ATP13A5: variants seen among roughly 807,000 people sequenced by gnomAD.
ATP13A5 encodes ATPase 13A5.
ATP13A5 carries 149 observed loss-of-function variants against 150.2 expected under a neutral mutation model. The observed-to-expected ratio is 0.99, with a 90% CI of 0.87 to 1.14. The LOEUF is 1.14. Among genes scored for constraint, ATP13A5 ranks in the 50% most tolerant of loss-of-function variants. The pLI is 0.00. For missense variants in ATP13A5, 1,383 were observed against 1,449.3 expected, an observed-to-expected ratio of 0.95 and a Z score of 0.74; for synonymous variants, 497 against 522.2, an observed-to-expected ratio of 0.95 and a Z score of 0.66.
chr3:193,362,297 G>T, intron 5 of ATP13A5, 84 bp downstream of exon 5: 1 of 1,171,786 alleles, frequency 8.5e-7, no homozygotes, highest in Non-Finnish European at 1.3e-6. Context: ...GAAGCATTAT[G>T]CCAACAATGC....
intron 6 of ATP13A5, among the ~76,000 whole-genome samples, chr3:193,353,899 A>C (rs1253980386): frequency 2.6e-5 from 3 of 114,748 alleles, no homozygotes; most frequent in Non-Finnish European, 5.5e-5. Context: ...CCACCATCCA[A>C]ACTAAAGAGA....
chr3:193,290,638 A>G (rs1717913600), intron 25 of ATP13A5, among the ~76,000 whole-genome samples: 1 of 152,194 alleles, frequency 6.6e-6, no homozygotes, highest in African/African-American at 2.4e-5. Flanking sequence ...CTGCTGATGT[A>G]TGTTACATTA....
At chr3:193,376,148 T>C (rs1413386010) in intron 1 of ATP13A5, among the ~76,000 whole-genome samples, 1 of 152,222 alleles carries the variant, frequency 6.6e-6, no homozygotes, top group Non-Finnish European at 1.5e-5. Flanking sequence ...GTTTTCAAAA[T>C]TTATCATCAG....
chr3:193,343,846 G>A lies in ATP13A5; in HGVS notation c.943+81C>T, dbSNP rs989962289. 5 of 1,479,474 alleles carry A rather than the reference G, an allele frequency of 3.4e-6. No homozygotes were observed. In the African/African-American group the frequency reaches 5.6e-5, roughly 17 times the overall value. 91.6% of individuals were successfully genotyped at this position (1,479,474 alleles called of 1,614,324 possible). A position where few individuals can be genotyped will look rare whatever the true frequency, so the allele number is the denominator to read the frequency against. ...CCTATCTCTGAATATCTTAGCAAGG[G>A]TCTGGTATAAGGTAGGTGAGGATAT... On this transcript the variant is annotated intron_variant, in intron 9 of 29. Transcript: ENST00000342358.
chr3:193,320,798 A>T (rs1719241002), intron 16 of ATP13A5, among the ~76,000 whole-genome samples: 1 of 152,244 alleles, frequency 6.6e-6, no homozygotes, highest in African/African-American at 2.4e-5. Flanking sequence ...ATGCAACAAC[A>T]TTCTTATACA....
chr3:193,356,979 C>T (rs1712818007), intron 5 of ATP13A5, among the ~76,000 whole-genome samples: 2 of 152,052 alleles, frequency 1.3e-5, no homozygotes, highest in Admixed American at 1.3e-4. Context: ...CCACACCTGG[C>T]TAATTTTTGT....
At chr3:193,299,109 T>A (rs371120911) in intron 25 of ATP13A5, 22 bp downstream of exon 25, 6 of 1,562,844 alleles carry the variant, frequency 3.8e-6, no homozygotes, top group Non-Finnish European at 5.2e-6. Context: ...AACAATATAG[T>A]TTTCTTTGCT....
intron 2 of ATP13A5, among the ~76,000 whole-genome samples, chr3:193,363,761 T>G (rs898065775): frequency 1.4e-4 from 22 of 152,196 alleles, no homozygotes; most frequent in African/African-American, 1.9e-4. Flanking sequence ...AATACATATT[T>G]TTGAAAAACT....
At chr3:193,294,214 T>C (rs777996071) in intron 25 of ATP13A5, among the ~76,000 whole-genome samples, 2 of 146,006 alleles carry the variant, frequency 1.4e-5, no homozygotes, top group African/African-American at 2.6e-5. Flanking sequence ...GGTGGCCACC[T>C]GGAAATAAAG....
intron 27 of ATP13A5, among the ~76,000 whole-genome samples, chr3:193,280,969 C>T (rs755416970): frequency 3.5e-4 from 53 of 152,148 alleles, no homozygotes; most frequent in Admixed American, 2.8e-3. Flanking sequence ...TTGAAGTGAA[C>T]AGAGTTCTGT....
chr3:193,284,438 C>T (rs2886978), intron 27 of ATP13A5, among the ~76,000 whole-genome samples: 65,316 of 151,834 alleles, frequency 0.43, 15,077 homozygotes, highest in Non-Finnish European at 0.51. Flanking sequence ...AGTGCCAGAC[C>T]CTTTACATAA....
At chr3:193,357,847 C>T (rs1051934181) in intron 5 of ATP13A5, among the ~76,000 whole-genome samples, 2 of 152,218 alleles carry the variant, frequency 1.3e-5, no homozygotes, top group Non-Finnish European at 2.9e-5. Flanking sequence ...TTGAGGTTTC[C>T]TCCAACCCTG....
chr3:193,340,377 T>C (rs1056392535), intron 9 of ATP13A5, among the ~76,000 whole-genome samples: 2 of 152,044 alleles, frequency 1.3e-5, no homozygotes, highest in African/African-American at 4.8e-5. Context: ...ATTGAGTAAA[T>C]GGATGAACAA....
At position 193,362,605 on chromosome 3, in the gene ATP13A5, A is replaced by T. The variant is rs759821520; in HGVS notation, c.417T>A (p.Tyr139Ter). 6 of 1,614,206 alleles carry T rather than the reference A, an allele frequency of 3.7e-6. No homozygotes were observed. Among genetic ancestry groups the T allele is most frequent in the Admixed American group, 1.7e-5 (1 of 60,028 alleles). Residue 139 changes from tyrosine (Y) to a stop codon, truncating the protein, a stop_gained, in exon 4 of 30, where the codon TAT becomes TAA. Transcript: ENST00000342358. LOFTEE classifies it high-confidence loss of function. The stretch of plus-strand genomic sequence containing the variant: ...ACCGCTTCTCCAGGTCGTTCCAAAC[A>T]TACCTGATTTTCTGCACTTCCATGC... ...LRCMEVQKIR[Y>*]VWNDLEKRFQ...
chr3:193,327,155 T>C, intron 12 of ATP13A5, 98 bp from the exon 13 acceptor site: 3 of 1,077,006 alleles, frequency 2.8e-6, no homozygotes, highest in East Asian at 2.7e-5. Context: ...TTATAGTAGA[T>C]CCAGTAGTCT....
At chr3:193,306,511 AAC>A (rs1175225081) in intron 22 of ATP13A5, among the ~76,000 whole-genome samples, 1 of 152,218 alleles carries the variant, frequency 6.6e-6, no homozygotes, top group Non-Finnish European at 1.5e-5. Flanking sequence ...TCTAGCTATA[AAC>A]ACAGTTTTCA....
chr3:193,317,226 C>T lies in ATP13A5; in HGVS notation c.2033+1765G>A, dbSNP rs150438305. ...TTAAATGTCTGTTAAAATGTTGCTC[C>T]TCTGAGGACTTTGCTGATTGCCTAG... On this transcript the variant is annotated intron_variant, in intron 17 of 29. Coordinates refer to ENST00000342358, the MANE Select transcript of ATP13A5 (RefSeq NM_198505.4). Among the ~76,000 whole-genome samples the T allele has an allele frequency of 4.2e-3, 634 of 152,268 alleles. 3 individuals carry two copies. The highest frequency in any genetic ancestry group is 0.015 in the African/African-American group (618 of 41,560).
chr3:193,364,520 C>T lies in ATP13A5; in HGVS notation c.64-240G>A, dbSNP rs184434823. ...TTAAACAGAAAGAGTATGGAAAGGG[C>T]AGATTTATTTGCTTCTATATATTCA... is the stretch of plus-strand genomic sequence containing the variant. On this transcript the variant is annotated intron_variant, in intron 1 of 29. Coordinates refer to ENST00000342358, the MANE Select transcript of ATP13A5 (RefSeq NM_198505.4). 4.5e-3 allele frequency among the ~76,000 whole-genome samples: 678 copies of T among 152,150 alleles called. 2 individuals are homozygous for T. The highest frequency in any genetic ancestry group is 8.1e-3 in the Non-Finnish European group (548 of 67,990).
intron 1 of ATP13A5, among the ~76,000 whole-genome samples, chr3:193,377,752 C>A (rs1713692168): frequency 6.6e-6 from 1 of 152,206 alleles, no homozygotes; most frequent in South Asian, 2.1e-4. Flanking sequence ...TCTCCAAGTT[C>A]TTTGGGGCCC....
Sources: allele counts gnomAD v4.1 joint callset (sites outside exome capture counted in the v4.1 genomes callset), GRCh38; gene constraint gnomAD v4.1.1; transcripts MANE v1.5; gene names NCBI Gene and HGNC (gene_info 2026-07-23, HGNC 2026-07-21).